Variants in ADGRL3 observed in about 807,000 individuals in gnomAD.
The protein encoded by ADGRL3 is calcium-independent alpha-latrotoxin receptor 3.
Under a neutral mutation model 153.5 loss-of-function variants are expected in ADGRL3, and 62 were observed. The observed-to-expected ratio is 0.40, with a 90% CI of 0.33 to 0.50. The LOEUF is 0.50. Among genes scored for constraint, ADGRL3 ranks in the 20% least tolerant of loss-of-function variants. The pLI is 0.47. For missense variants in ADGRL3, 1,641 were observed against 1,859.4 expected, an observed-to-expected ratio of 0.88 and a Z score of 2.16; for synonymous variants, 710 against 672.5, an observed-to-expected ratio of 1.06 and a Z score of -0.86.
intron 6 of ADGRL3, among the ~76,000 whole-genome samples, chr4:61,701,933 G>GT (rs1228883631): frequency 6.6e-6 from 1 of 152,054 alleles, no homozygotes; most frequent in Non-Finnish European, 1.5e-5. Flanking sequence ...TAAGAGCACA[G>GT]TTTAAGTCTG....
intron 9 of ADGRL3, among the ~76,000 whole-genome samples, chr4:61,834,065 T>C (rs1381577169): frequency 6.6e-6 from 1 of 150,870 alleles, no homozygotes; most frequent in Admixed American, 6.6e-5. Context: ...GCTGCACCCA[T>C]TAACTCATCA....
chr4:61,317,239 A>G (rs1471440071), intron 1 of ADGRL3, among the ~76,000 whole-genome samples: 1 of 152,184 alleles, frequency 6.6e-6, no homozygotes, highest in East Asian at 1.9e-4. Context: ...ATTTCTTAGA[A>G]CTAAATCTGG....
chr4:61,740,888 C>T (rs780757837), intron 8 of ADGRL3, among the ~76,000 whole-genome samples: 5 of 152,080 alleles, frequency 3.3e-5, no homozygotes, highest in Non-Finnish European at 5.9e-5. Context: ...TTCTTATGTA[C>T]GCTAAAGATG....
At chr4:61,344,480 G>T (rs575503156) in intron 1 of ADGRL3, among the ~76,000 whole-genome samples, 1 of 152,246 alleles carries the variant, frequency 6.6e-6, no homozygotes, top group South Asian at 2.1e-4. Context: ...TCCCCTAAAA[G>T]GTCAGCCAAA....
intron 2 of ADGRL3, among the ~76,000 whole-genome samples, chr4:61,458,350 T>C (rs1195880140): frequency 1.3e-5 from 2 of 151,414 alleles, no homozygotes; most frequent in African/African-American, 4.8e-5. Flanking sequence ...ATGCTTGTTT[T>C]TTAGAGAGAT....
chr4:61,906,117 T>A (rs897804829), intron 11 of ADGRL3, among the ~76,000 whole-genome samples: 16 of 151,860 alleles, frequency 1.1e-4, no homozygotes, highest in African/African-American at 3.9e-4. Flanking sequence ...TATTATCTTT[T>A]TCACAAGTAG....
At chr4:61,665,222 C>A (rs1369069970) in intron 5 of ADGRL3, among the ~76,000 whole-genome samples, 1 of 152,090 alleles carries the variant, frequency 6.6e-6, no homozygotes, top group Non-Finnish European at 1.5e-5. Flanking sequence ...ACCAGCCTGG[C>A]CACATGGTGA....
chr4:61,963,457 T>C (rs1213588321), intron 17 of ADGRL3, among the ~76,000 whole-genome samples: 1 of 152,082 alleles, frequency 6.6e-6, no homozygotes, highest in African/African-American at 2.4e-5. Flanking sequence ...TTGTTTTCTT[T>C]GTTGTGTTTA....
chr4:61,640,773 A>G (rs1224270460), intron 5 of ADGRL3, among the ~76,000 whole-genome samples: 2 of 152,270 alleles, frequency 1.3e-5, no homozygotes, highest in South Asian at 2.1e-4. Context: ...AGCAGATCTC[A>G]TTGTCATTCT....
At chr4:61,523,631 G>T (rs900592679) in intron 4 of ADGRL3, among the ~76,000 whole-genome samples, 2 of 152,092 alleles carry the variant, frequency 1.3e-5, no homozygotes, top group Admixed American at 1.3e-4. Flanking sequence ...CAGTTATTGA[G>T]ATTTTTTTTA....
At chr4:61,897,152 C>T (rs1487337822) in intron 11 of ADGRL3, among the ~76,000 whole-genome samples, 2 of 152,112 alleles carry the variant, frequency 1.3e-5, no homozygotes, top group African/African-American at 4.8e-5. Context: ...TGTTGTCCAT[C>T]TGATTTATGG....
At chr4:61,260,078 A>C (rs1378595354) in intron 1 of ADGRL3, among the ~76,000 whole-genome samples, 2 of 152,208 alleles carry the variant, frequency 1.3e-5, no homozygotes, top group African/African-American at 4.8e-5. Flanking sequence ...TAAACATGCT[A>C]TATATTAATA....
intron 5 of ADGRL3, among the ~76,000 whole-genome samples, chr4:61,676,386 T>C (rs2095193368): frequency 6.6e-6 from 1 of 152,032 alleles, no homozygotes; most frequent in Non-Finnish European, 1.5e-5. Flanking sequence ...TTCATACCTT[T>C]AAAATGAATG....
intron 21 of ADGRL3, among the ~76,000 whole-genome samples, chr4:62,005,198 C>A (rs2099153392): frequency 6.6e-6 from 1 of 152,122 alleles, no homozygotes; most frequent in Non-Finnish European, 1.5e-5. Context: ...GTGTTATTGT[C>A]CATCTCATTG....
At chr4:61,966,985 G>C (rs542343225) in intron 17 of ADGRL3, among the ~76,000 whole-genome samples, 6 of 152,180 alleles carry the variant, frequency 3.9e-5, no homozygotes, top group African/African-American at 1.2e-4. Flanking sequence ...CAGTTAGGGT[G>C]ACCAAGTTTT....
chr4:61,926,428 T>A (rs758383205), intron 13 of ADGRL3, among the ~76,000 whole-genome samples: 11 of 152,136 alleles, frequency 7.2e-5, no homozygotes, highest in Non-Finnish European at 1.3e-4. Context: ...TGCACCTCTT[T>A]CTTTTCCTCA....
At chr4:62,038,624 CAG>C (rs1726427535) in intron 24 of ADGRL3, among the ~76,000 whole-genome samples, 1 of 152,056 alleles carries the variant, frequency 6.6e-6, no homozygotes, top group African/African-American at 2.4e-5. Flanking sequence ...TTTTTTGAGA[CAG>C]AGTCTCACTC....
chr4:61,815,666 C>G (rs1290084043), intron 9 of ADGRL3, among the ~76,000 whole-genome samples: 1 of 152,178 alleles, frequency 6.6e-6, no homozygotes, highest in African/African-American at 2.4e-5. Context: ...ACTTAATCAT[C>G]AGTGCAACTG....
intron 4 of ADGRL3, among the ~76,000 whole-genome samples, chr4:61,518,154 T>C (rs1367996053): frequency 3.3e-5 from 5 of 152,364 alleles, no homozygotes; most frequent in Non-Finnish European, 5.9e-5. Flanking sequence ...ACTTACTCTT[T>C]TCCCGAACAC....
Sources: gnomAD v4.1 joint callset for allele counts (sites outside exome capture counted in the v4.1 genomes callset) on GRCh38, gnomAD v4.1.1 for gene constraint, MANE v1.5 for transcripts, NCBI Gene and HGNC (gene_info 2026-07-23, HGNC 2026-07-21) for gene names.